Variants in NDRG4 observed in about 807,000 individuals in gnomAD.
The protein encoded by NDRG4 is NDRG family member 4, also known as protein NDRG4.
In NDRG4, 38 loss-of-function variants were observed where a neutral mutation model predicts 55.8. The observed-to-expected ratio is 0.68, with a 90% confidence interval of 0.53 to 0.89. The LOEUF is 0.89. NDRG4 is among the 40% of genes least tolerant of loss of function. The probability of loss-of-function intolerance (pLI) is 0.00; values close to 1 mark genes in which losing one functional copy is unlikely to be tolerated. For synonymous variants in NDRG4, 190 were observed against 182.7 expected (o/e 1.04, Z -0.32); for missense variants, 455 against 468.6 (o/e 0.97, Z 0.27).
intron 2 of NDRG4, among the ~76,000 whole-genome samples, chr16:58,493,396 G>C (rs1376546846): frequency 6.6e-6 from 1 of 152,188 alleles, no homozygotes; most frequent in Non-Finnish European, 1.5e-5. Flanking sequence ...AGCCTCCCTA[G>C]CAGCTGGGAT....
intron 2 of NDRG4, among the ~76,000 whole-genome samples, chr16:58,491,869 TAG>T (rs1231268761): frequency 6.6e-6 from 1 of 152,016 alleles, no homozygotes; most frequent in Admixed American, 6.6e-5. Flanking sequence ...TCAGGGAGGT[TAG>T]AGAGGGCTCA....
intron 5 of NDRG4, among the ~76,000 whole-genome samples, chr16:58,505,708 A>ATTTTTTTTTTTTTT (rs869263659): frequency 1.4e-5 from 1 of 70,626 alleles, no homozygotes. Flanking sequence ...TGAGGGCTTC[A>ATTTTTTTTTTTTTT]TTTTCTTTTT....
At chr16:58,469,693 T>C (rs986315511) in intron 1 of NDRG4, among the ~76,000 whole-genome samples, 3 of 152,218 alleles carry the variant, frequency 2.0e-5, no homozygotes, top group Non-Finnish European at 4.4e-5. Context: ...TATTTATCCA[T>C]CTGAACAGAT....
At position 58,513,153 on chromosome 16, in the gene NDRG4, ATATC is replaced by A. The variant is rs1358855129; in HGVS notation, c.*1581_*1584del. On this transcript the variant is annotated 3_prime_UTR_variant, in exon 15 of 15. Coordinates refer to ENST00000570248, the MANE Select transcript of NDRG4 (RefSeq NM_001242835.2). The stretch of plus-strand genomic sequence containing the variant: ...TTGCTGTTTCCAGATGTATCTATAA[ATATC>A]TATACATTATATGTGTGTGTGTGTG... 6 of 132,684 alleles carry A rather than the reference ATATC, an allele frequency of 4.5e-5. No individual in the cohort carries two copies. Among genetic ancestry groups the A allele is most frequent in the South Asian group, 2.7e-4 (1 of 3,764 alleles). 8.2% of individuals were successfully genotyped at this position (132,684 alleles called of 1,614,324 possible). A position where few individuals can be genotyped will look rare whatever the true frequency, so the allele number is the denominator to read the frequency against.
rs1208042578 is a variant in NDRG4, at chr16:58,513,397, A to C, written c.*1821A>C. The C allele has an allele frequency of 6.6e-6, 1 of 152,218 alleles. No individual in the cohort carries two copies. Among genetic ancestry groups the C allele is most frequent in the Non-Finnish European group, 1.5e-5 (1 of 68,034 alleles). 9.4% of individuals were successfully genotyped at this position (152,218 alleles called of 1,614,324 possible). ...AAGAGTTAACTGTGCTGAAAAACTA[A>C]TAAAGAACCTAAGAAGAATTCCAGT... On this transcript the variant is annotated 3_prime_UTR_variant, in exon 15 of 15. Transcript: ENST00000570248.
At chr16:58,466,844 G>A in intron 1 of NDRG4, among the ~76,000 whole-genome samples, 1 of 152,182 alleles carries the variant, frequency 6.6e-6, no homozygotes, top group Non-Finnish European at 1.5e-5. Context: ...TCTAAGAGAT[G>A]GTGTAAGGCT....
chr16:58,497,245 C>T (rs1427457333), upstream of NDRG4, among the ~76,000 whole-genome samples: 1 of 152,066 alleles, frequency 6.6e-6, no homozygotes, highest in African/African-American at 2.4e-5. Context: ...TGGCTTGAAC[C>T]CGGGAGGCGG....
downstream of NDRG4, chr16:58,515,347 CGT>C: frequency 1.6e-6 from 1 of 607,710 alleles, no homozygotes; most frequent in South Asian, 2.2e-5. Context: ...ACTCGCAGCG[CGT>C]GAGTGCAATT....
intron 2 of NDRG4, among the ~76,000 whole-genome samples, chr16:58,490,974 C>G (rs1298742367): frequency 6.7e-6 from 1 of 149,934 alleles, no homozygotes; most frequent in Non-Finnish European, 1.5e-5. Context: ...GAGGCTCTGT[C>G]TCAAAAACAA....
chr16:58,504,243 C>A lies in NDRG4; in HGVS notation c.217C>A (p.Gln73Lys). ...FVVCHVDAPG[Q>K]QVGASQFPQG... Reference sequence around the variant, plus strand: ...GGTGTGTCACGTGGATGCCCCTGGACAACAGGTGGGGGCGTCGCAGTTTCC... The same window carrying A: ...GGTGTGTCACGTGGATGCCCCTGGAAAACAGGTGGGGGCGTCGCAGTTTCC... The change falls in exon 3 of 15, where the codon CAA (glutamine) becomes AAA (lysine). Residue 73 changes from glutamine to lysine, a missense_variant. By Grantham distance (53) the Gln-to-Lys change is moderately conservative. Coordinates refer to ENST00000570248, the MANE Select transcript of NDRG4 (RefSeq NM_001242835.2). The A allele has an allele frequency of 6.2e-7, 1 of 1,614,170 alleles. No homozygotes were observed. Among genetic ancestry groups the A allele is most frequent in the Middle Eastern group, 1.6e-4 (1 of 6,062 alleles).
chr16:58,481,008 TAAA>T (rs75802479), intron 1 of NDRG4, among the ~76,000 whole-genome samples: 7 of 132,098 alleles, frequency 5.3e-5, no homozygotes, highest in African/African-American at 5.6e-5. Flanking sequence ...GACTCTGTCT[TAAA>T]AAAAAAAAAA....
At chr16:58,482,366 G>A (rs2034499178) in intron 1 of NDRG4, among the ~76,000 whole-genome samples, 1 of 152,106 alleles carries the variant, frequency 6.6e-6, no homozygotes, top group Admixed American at 6.5e-5. Flanking sequence ...TGTCCCGCAG[G>A]CCTGTTTCCT....
intron 1 of NDRG4, among the ~76,000 whole-genome samples, chr16:58,478,985 C>A (rs1014847455): frequency 6.6e-6 from 1 of 151,756 alleles, no homozygotes; most frequent in Non-Finnish European, 1.5e-5. Flanking sequence ...TGGAAGTTGC[C>A]AATATATGTA....
chr16:58,481,906 T>C (rs2034445655), intron 1 of NDRG4, among the ~76,000 whole-genome samples: 1 of 152,154 alleles, frequency 6.6e-6, no homozygotes, highest in Non-Finnish European at 1.5e-5. Flanking sequence ...ACCCCCTATA[T>C]AGTGCAGTTG....
At chr16:58,510,870 T>G (rs1311566669) in intron 14 of NDRG4, 187 bp downstream of exon 14, 6 of 629,130 alleles carry the variant, frequency 9.5e-6, no homozygotes, top group Non-Finnish European at 1.7e-5. Context: ...GTTGGCTGGG[T>G]TGCAGAGCAG....
intron 1 of NDRG4, chr16:58,500,786 A>C: frequency 2.4e-6 from 1 of 415,854 alleles, no homozygotes. Context: ...GCGGCCGTCT[A>C]GCTTGTTTGG....
chr16:58,489,751 G>T (rs1479107235), intron 2 of NDRG4, among the ~76,000 whole-genome samples: 1 of 152,140 alleles, frequency 6.6e-6, no homozygotes, highest in African/African-American at 2.4e-5. Context: ...ATACAGCTCA[G>T]AAGGAAGAAG....
chr16:58,479,828 G>A (rs750074728), intron 1 of NDRG4, among the ~76,000 whole-genome samples: 6 of 152,204 alleles, frequency 3.9e-5, no homozygotes, highest in Non-Finnish European at 8.8e-5. Flanking sequence ...ATTGTTTCAC[G>A]TGCATTTCTC....
At chr16:58,491,525 A>C (rs1198887042) in intron 2 of NDRG4, among the ~76,000 whole-genome samples, 2 of 150,172 alleles carry the variant, frequency 1.3e-5, no homozygotes. Flanking sequence ...CAATGGCGCG[A>C]TCTCAGCTCA....
Sources: allele counts gnomAD v4.1 joint callset (sites outside exome capture counted in the v4.1 genomes callset), GRCh38; gene constraint gnomAD v4.1.1; transcripts MANE v1.5; gene names NCBI Gene and HGNC (gene_info 2026-07-23, HGNC 2026-07-21).